Variants in ATRNL1 observed in about 807,000 individuals in gnomAD.
ATRNL1 encodes attractin-like protein 1.
Under a neutral mutation model 182.7 loss-of-function variants are expected in ATRNL1, and 95 were observed. That is an observed-to-expected ratio of 0.52 (90% CI 0.44 to 0.62). The LOEUF is 0.62. ATRNL1 is among the 20% of genes least tolerant of loss of function. ATRNL1 has a pLI of 0.00. For missense variants in ATRNL1, 1,471 were observed against 1,679.5 expected, an observed-to-expected ratio of 0.88 and a Z score of 2.17; for synonymous variants, 576 against 568.3, an observed-to-expected ratio of 1.01 and a Z score of -0.19.
chr10:115,537,157 A>G (rs1466851178), intron 25 of ATRNL1, among the ~76,000 whole-genome samples: 2 of 152,188 alleles, frequency 1.3e-5, no homozygotes, highest in Non-Finnish European at 2.9e-5. Flanking sequence ...AAACCAAAAT[A>G]TTTAATGCGG....
At chr10:115,616,870 A>C (rs1426016260) in intron 26 of ATRNL1, among the ~76,000 whole-genome samples, 2 of 152,230 alleles carry the variant, frequency 1.3e-5, no homozygotes, top group African/African-American at 2.4e-5. Context: ...AGCTGGCTGG[A>C]CTGCAGGTTA....
At chr10:115,321,215 C>G (rs1854567074) in intron 18 of ATRNL1, among the ~76,000 whole-genome samples, 1 of 152,006 alleles carries the variant, frequency 6.6e-6, no homozygotes, top group African/African-American at 2.4e-5. Context: ...TCGCTCCTGC[C>G]CCTGGAGATA....
intron 10 of ATRNL1, among the ~76,000 whole-genome samples, chr10:115,251,056 G>A (rs1253609522): frequency 5.9e-5 from 9 of 152,078 alleles, no homozygotes; most frequent in Admixed American, 1.3e-4. Flanking sequence ...CACATTTGCC[G>A]ACTCCATGGC....
At chr10:115,231,193 A>AGAAT (rs1264852957) in intron 9 of ATRNL1, among the ~76,000 whole-genome samples, 1 of 152,160 alleles carries the variant, frequency 6.6e-6, no homozygotes, top group Non-Finnish European at 1.5e-5. Context: ...AAGGAGACTG[A>AGAAT]GAATGAGCAG....
At chr10:115,900,987 A>T (rs1555113442) in intron 28 of ATRNL1, among the ~76,000 whole-genome samples, 2 of 152,174 alleles carry the variant, frequency 1.3e-5, no homozygotes, top group Non-Finnish European at 2.9e-5. Context: ...TGATTCTACA[A>T]TGTAGAAGAG....
At chr10:115,459,606 C>G (rs1847695880) in intron 21 of ATRNL1, among the ~76,000 whole-genome samples, 1 of 152,268 alleles carries the variant, frequency 6.6e-6, no homozygotes, top group Non-Finnish European at 1.5e-5. Flanking sequence ...AAGATGTTAT[C>G]AATGACAGTG....
At chr10:115,226,189 G>A (rs1203576431) in intron 9 of ATRNL1, among the ~76,000 whole-genome samples, 1 of 151,846 alleles carries the variant, frequency 6.6e-6, no homozygotes, top group Non-Finnish European at 1.5e-5. Context: ...ATTGTTCTGG[G>A]CCAATTGGGT....
chr10:115,842,278 A>G (rs1950828067), intron 27 of ATRNL1, among the ~76,000 whole-genome samples: 1 of 152,116 alleles, frequency 6.6e-6, no homozygotes, highest in Non-Finnish European at 1.5e-5. Flanking sequence ...GATGGTGGCC[A>G]TTTAGTCTTA....
intron 26 of ATRNL1, among the ~76,000 whole-genome samples, chr10:115,694,828 G>T (rs1455087260): frequency 6.6e-6 from 1 of 151,356 alleles, no homozygotes; most frequent in South Asian, 2.1e-4. Flanking sequence ...TTTTGGGAGG[G>T]TGGAGGATGG....
At chr10:115,306,493 G>A (rs1554926218) in intron 17 of ATRNL1, among the ~76,000 whole-genome samples, 1 of 151,880 alleles carries the variant, frequency 6.6e-6, no homozygotes, top group African/African-American at 2.4e-5. Flanking sequence ...CAGTTTTTCA[G>A]TGATTGATGT....
In ATRNL1 at chr10:115,201,433, T is replaced by A. The variant is rs1159975947; in HGVS notation, c.1349-14264T>A. ...TAAGGTGTAAGGAAGGGATCCAGTT[T>A]CAGCTTTCTACATATGGCTAGCCAG... On this transcript the variant is annotated intron_variant, in intron 8 of 28. Coordinates refer to ENST00000355044, the MANE Select transcript of ATRNL1 (RefSeq NM_207303.4). 5.7e-4 allele frequency among the ~76,000 whole-genome samples: 87 copies of A among 152,278 alleles called. 3 individuals carry two copies. The East Asian group carries it at 0.013, about 23-fold the overall frequency.
At chr10:115,851,423 G>A (rs1951054141) in intron 28 of ATRNL1, among the ~76,000 whole-genome samples, 1 of 151,970 alleles carries the variant, frequency 6.6e-6, no homozygotes, top group African/African-American at 2.4e-5. Context: ...ACCAGCAACT[G>A]CTTCAGCAAT....
At chr10:115,612,761 T>A (rs1029436005) in intron 26 of ATRNL1, among the ~76,000 whole-genome samples, 1 of 152,216 alleles carries the variant, frequency 6.6e-6, no homozygotes, top group Admixed American at 6.5e-5. Flanking sequence ...ATAGTTCTTA[T>A]CATAGGCATG....
In ATRNL1 at chr10:115,358,511, A is replaced by T. The variant is rs572979751; in HGVS notation, c.3175+24092A>T. Among the ~76,000 whole-genome samples the T allele has an allele frequency of 2.0e-5, 3 of 151,766 alleles. No individual in the cohort carries two copies. In the East Asian group the frequency reaches 5.8e-4, roughly 29 times the overall value. On this transcript the variant is annotated intron_variant, in intron 19 of 28. Transcript: ENST00000355044. ...TTGTCAGTTAAGCTCCAAGCATTAT[A>T]TCTAAAAATGTGGATAATGTTTATT...
chr10:115,102,235 T>C (rs530711047), intron 1 of ATRNL1, among the ~76,000 whole-genome samples: 1 of 152,338 alleles, frequency 6.6e-6, no homozygotes, highest in South Asian at 2.1e-4. Context: ...TGAGCCTTTA[T>C]CGTTATCCAA....
intron 26 of ATRNL1, among the ~76,000 whole-genome samples, chr10:115,553,505 A>C (rs527882000): frequency 1.3e-3 from 199 of 151,496 alleles, no homozygotes; most frequent in African/African-American, 4.5e-3. Context: ...TCTGCTTCAA[A>C]ATGAATACAG....
intron 20 of ATRNL1, among the ~76,000 whole-genome samples, chr10:115,406,155 A>T (rs974052312): frequency 6.6e-6 from 1 of 152,014 alleles, no homozygotes; most frequent in Admixed American, 6.6e-5. Flanking sequence ...ATAAACATAC[A>T]TGTGCATGTG....
At chr10:115,465,078 G>A (rs961663637) in intron 22 of ATRNL1, among the ~76,000 whole-genome samples, 1 of 151,584 alleles carries the variant, frequency 6.6e-6, no homozygotes, top group African/African-American at 2.4e-5. Flanking sequence ...TTAGAGATTA[G>A]AAAAATGATT....
intron 26 of ATRNL1, among the ~76,000 whole-genome samples, chr10:115,565,951 GCTT>G (rs1427142542): frequency 2.6e-5 from 4 of 152,038 alleles, no homozygotes; most frequent in African/African-American, 9.7e-5. Flanking sequence ...AAAAGTGTTA[GCTT>G]CTTATTTCTT....
Sources: allele counts gnomAD v4.1 joint callset (sites outside exome capture counted in the v4.1 genomes callset), GRCh38; gene constraint gnomAD v4.1.1; transcripts MANE v1.5; gene names NCBI Gene and HGNC (gene_info 2026-07-23, HGNC 2026-07-21).